Variants in QTMAN observed in about 807,000 individuals in gnomAD.
QTMAN encodes tRNA-queuosine alpha-mannosyltransferase.
At chr2:143,946,976 A>C in the QTMAN span, 2 of 993,550 alleles carry the variant, frequency 2.0e-6, no homozygotes, top group Non-Finnish European at 3.1e-6. Context: ...CTCTCTGATC[A>C]GGTAAATATG....
the QTMAN span, among the ~76,000 whole-genome samples, chr2:144,036,293 T>C: frequency 4.6e-5 from 7 of 152,206 alleles, no homozygotes; most frequent in Admixed American, 6.5e-5. Context: ...ATAAATTGTT[T>C]CCAAAGGAAA....
At chr2:144,252,059 A>C in the QTMAN span, among the ~76,000 whole-genome samples, 3 of 152,066 alleles carry the variant, frequency 2.0e-5, no homozygotes, top group African/African-American at 7.2e-5. Context: ...GTAACATTAA[A>C]AATACAATTA....
chr2:143,972,804 A>T, the QTMAN span, among the ~76,000 whole-genome samples: 1 of 152,194 alleles, frequency 6.6e-6, no homozygotes. Context: ...AAAAAGAGGC[A>T]TTTTATACTA....
chr2:143,980,855 C>T, the QTMAN span, among the ~76,000 whole-genome samples: 1 of 152,210 alleles, frequency 6.6e-6, no homozygotes, highest in Non-Finnish European at 1.5e-5. Flanking sequence ...CTTAACTCTA[C>T]ACTAACTAGA....
At chr2:144,332,590 G>A in the QTMAN span, 1 of 149,718 alleles carries the variant, frequency 6.7e-6, no homozygotes. Context: ...CGCGTCAGGC[G>A]CTGGTCCCGC....
At chr2:144,182,884 T>TA in the QTMAN span, among the ~76,000 whole-genome samples, 2 of 81,032 alleles carry the variant, frequency 2.5e-5, no homozygotes. Context: ...TATATATATA[T>TA]TTTATATATA....
At chr2:144,316,495 G>T in the QTMAN span, among the ~76,000 whole-genome samples, 2 of 152,092 alleles carry the variant, frequency 1.3e-5, no homozygotes, top group Non-Finnish European at 2.9e-5. Flanking sequence ...CTATTTGGAG[G>T]TGATCCAATT....
chr2:144,231,176 C>T, the QTMAN span, among the ~76,000 whole-genome samples: 1 of 152,008 alleles, frequency 6.6e-6, no homozygotes, highest in African/African-American at 2.4e-5. Context: ...AAAGTATGTA[C>T]CATATGGTTA....
At chr2:143,994,204 C>T in the QTMAN span, among the ~76,000 whole-genome samples, 1 of 152,040 alleles carries the variant, frequency 6.6e-6, no homozygotes, top group Non-Finnish European at 1.5e-5. Flanking sequence ...GGTGGATAAT[C>T]AAGAGTTGAC....
At chr2:144,182,808 A>AATATATATATATTATATATATATT in the QTMAN span, among the ~76,000 whole-genome samples, 1 of 52,528 alleles carries the variant, frequency 1.9e-5, no homozygotes, top group Non-Finnish European at 3.4e-5. Flanking sequence ...TTATATATAT[A>AATATATATATATTATATATATATT]ATATATATAT....
chr2:144,092,870 GGTGTGTGTGTGTGTGTGTGTGT>G, the QTMAN span, among the ~76,000 whole-genome samples: 1 of 140,642 alleles, frequency 7.1e-6, no homozygotes, highest in Non-Finnish European at 1.5e-5. Flanking sequence ...AAACTTTTGG[GGTGTGTGTGTGTGTGTGTGTGT>G]GTGTGTGTGT....
chr2:144,069,822 C>A, the QTMAN span, among the ~76,000 whole-genome samples: 1 of 151,978 alleles, frequency 6.6e-6, no homozygotes, highest in Non-Finnish European at 1.5e-5. Flanking sequence ...TCTCATTGGA[C>A]ACTTATTTTT....
At chr2:144,141,249 A>G in the QTMAN span, among the ~76,000 whole-genome samples, 1 of 151,856 alleles carries the variant, frequency 6.6e-6, no homozygotes, top group African/African-American at 2.4e-5. Flanking sequence ...AAAAGTGAAA[A>G]GGAATTCCAG....
chr2:143,980,055 C>T, the QTMAN span, among the ~76,000 whole-genome samples: 3 of 152,100 alleles, frequency 2.0e-5, no homozygotes, highest in African/African-American at 4.8e-5. Flanking sequence ...TTCAGGGGTA[C>T]GTGTGCAGGA....
chr2:144,031,421 G>T, the QTMAN span, among the ~76,000 whole-genome samples: 1 of 152,058 alleles, frequency 6.6e-6, no homozygotes, highest in South Asian at 2.1e-4. Flanking sequence ...ACTCGAACAA[G>T]AAAAAGTACA....
the QTMAN span, among the ~76,000 whole-genome samples, chr2:144,331,672 G>A: frequency 6.6e-6 from 1 of 152,008 alleles, no homozygotes; most frequent in East Asian, 1.9e-4. Flanking sequence ...AACTACTTCG[G>A]GACTAAAGGT....
the QTMAN span, among the ~76,000 whole-genome samples, chr2:144,265,359 A>G: frequency 6.6e-6 from 1 of 152,230 alleles, no homozygotes; most frequent in Non-Finnish European, 1.5e-5. Context: ...TATGGGAAAC[A>G]TATCTGTAAC....
At chr2:143,985,805 T>C in the QTMAN span, among the ~76,000 whole-genome samples, 3 of 152,164 alleles carry the variant, frequency 2.0e-5, no homozygotes, top group Non-Finnish European at 2.9e-5. Flanking sequence ...AAGCATAGAG[T>C]TTCTTCAGTA....
chr2:144,163,743 T>G, the QTMAN span, among the ~76,000 whole-genome samples: 2 of 152,188 alleles, frequency 1.3e-5, no homozygotes, highest in African/African-American at 2.4e-5. Flanking sequence ...ATAGATACAC[T>G]ATTTAACAAC....
Sources: allele counts gnomAD v4.1 joint callset (sites outside exome capture counted in the v4.1 genomes callset), GRCh38; gene constraint gnomAD v4.1.1; transcripts MANE v1.5; gene names NCBI Gene and HGNC (gene_info 2026-07-23, HGNC 2026-07-21).